CDH8: variants seen among roughly 807,000 people sequenced by gnomAD.
CDH8 encodes cadherin-8.
In CDH8, 17 loss-of-function variants were observed where a neutral mutation model predicts 68.1. That is an observed-to-expected ratio of 0.25 (90% confidence interval 0.17 to 0.37). The LOEUF (loss-of-function observed/expected upper bound fraction) is 0.37, where lower values mean the gene tolerates loss of function less well. Among genes scored for constraint, CDH8 ranks in the 10% least tolerant of loss-of-function variants. CDH8 has a pLI of 1.00. For synonymous variants in CDH8, 372 were observed against 365.1 expected, an observed-to-expected ratio of 1.02 and a Z score of -0.21; for missense variants, 763 against 999.3, an observed-to-expected ratio of 0.76 and a Z score of 3.19.
intron 8 of CDH8, chr16:61,743,570 A>C (rs570855260): frequency 5.3e-5 from 8 of 152,216 alleles, no homozygotes; most frequent in African/African-American, 1.7e-4. Context: ...TTCCCTTGCA[A>C]GGTTTTATCA....
intron 10 of CDH8, among the ~76,000 whole-genome samples, chr16:61,704,398 G>T (rs1596882636): frequency 6.6e-6 from 1 of 152,152 alleles, no homozygotes; most frequent in Non-Finnish European, 1.5e-5. Flanking sequence ...AGTTTCTCAA[G>T]AATTCTGCCC....
intron 8 of CDH8, 100 bp downstream of exon 8, chr16:61,789,246 C>T: frequency 1.9e-6 from 2 of 1,062,826 alleles, no homozygotes; most frequent in East Asian, 2.6e-5. Flanking sequence ...GTTCCAATGT[C>T]AAGGTACCTA....
At chr16:61,818,709 A>G (rs1350752889) in intron 6 of CDH8, among the ~76,000 whole-genome samples, 2 of 152,166 alleles carry the variant, frequency 1.3e-5, no homozygotes, top group Non-Finnish European at 2.9e-5. Context: ...GATTTCAAGA[A>G]TGCAAGTCTG....
At chr16:61,654,270 T>C (rs1429344701) in intron 11 of CDH8, among the ~76,000 whole-genome samples, 169 bp from the exon 12 acceptor site, 1 of 152,156 alleles carries the variant, frequency 6.6e-6, no homozygotes, top group Non-Finnish European at 1.5e-5. Context: ...GGATGAACAT[T>C]AAATTTTGAG....
chr16:62,018,095 T>A (rs192308780), intron 2 of CDH8, among the ~76,000 whole-genome samples: 41 of 152,346 alleles, frequency 2.7e-4, no homozygotes, highest in African/African-American at 9.1e-4. Flanking sequence ...CTTATTTATC[T>A]TATTTGCATA....
intron 9 of CDH8, among the ~76,000 whole-genome samples, chr16:61,719,952 G>A (rs1056496178): frequency 6.6e-6 from 1 of 150,420 alleles, no homozygotes; most frequent in African/African-American, 2.4e-5. Context: ...AGAAGATCAT[G>A]TTTAATTTTG....
chr16:62,022,268 T>C (rs948542059), intron 1 of CDH8, among the ~76,000 whole-genome samples: 4 of 152,090 alleles, frequency 2.6e-5, no homozygotes, highest in African/African-American at 7.2e-5. Flanking sequence ...AGGATGCTAA[T>C]AATGAGTGAA....
chr16:61,768,439 T>TCTCTCC lies in CDH8; in HGVS notation c.1414+20906_1414+20907insGGAGAG, dbSNP rs1567461493. Among the ~76,000 whole-genome samples, 16 of 143,044 alleles carry TCTCTCC rather than the reference T, an allele frequency of 1.1e-4. 1 individual carries two copies. The highest frequency in any genetic ancestry group is 4.3e-4 in the African/African-American group (16 of 37,524). The allele number at this position is 143,044 out of a possible 152,430, so 93.8% of individuals were successfully genotyped here. A position where few individuals can be genotyped will look rare whatever the true frequency, so the allele number is the denominator to read the frequency against. ...CTCTCTCTCTCTCTCCCTCTCCCTC[T>TCTCTCC]CTCTCTCGCAGTGCCTGGATGAATT... On this transcript the variant is annotated intron_variant, in intron 8 of 11. Transcript: ENST00000577390.
chr16:61,998,794 G>A (rs577518257), intron 2 of CDH8, among the ~76,000 whole-genome samples: 14 of 152,164 alleles, frequency 9.2e-5, no homozygotes, highest in Admixed American at 7.9e-4. Flanking sequence ...CTTGATCTTC[G>A]AAATAAAACT....
chr16:61,993,925 A>G lies in CDH8; in HGVS notation c.252+27227T>C, dbSNP rs539925616. Among the ~76,000 whole-genome samples, 13 of 152,338 alleles carry G rather than the reference A, an allele frequency of 8.5e-5. 1 individual carries two copies. The South Asian group carries it at 2.1e-3, about 24-fold the overall frequency. ...CTGCATAGTATTTTAAATAATAGAT[A>G]TATCAAAATTTATTTAAGCAATCTT... is the stretch of plus-strand genomic sequence containing the variant. On this transcript the variant is annotated intron_variant, in intron 2 of 11. Coordinates refer to ENST00000577390, the MANE Select transcript of CDH8 (RefSeq NM_001796.5).
At position 61,650,950 on chromosome 16, in the gene CDH8, C is replaced by G. The variant is rs1364204746; in HGVS notation, c.*2658G>C. On this transcript the variant is annotated 3_prime_UTR_variant, in exon 12 of 12. Transcript: ENST00000577390. ...TCTGTGTTCCTAGGCAAAGAGAATA[C>G]TTAGGCGATATTTGGGCAACTAGTA... is the stretch of plus-strand genomic sequence containing the variant. 1 of 152,030 alleles carries G rather than the reference C, an allele frequency of 6.6e-6. No homozygotes were observed. The highest frequency in any genetic ancestry group is 2.4e-5 in the African/African-American group (1 of 41,402). 9.4% of individuals were successfully genotyped at this position (152,030 alleles called of 1,614,324 possible).
At chr16:61,929,413 T>C (rs947558388) in intron 2 of CDH8, among the ~76,000 whole-genome samples, 3 of 152,192 alleles carry the variant, frequency 2.0e-5, no homozygotes, top group African/African-American at 7.2e-5. Flanking sequence ...AGGTTTGGGC[T>C]AGGTGTTTTC....
intron 7 of CDH8, among the ~76,000 whole-genome samples, chr16:61,814,869 T>C (rs1415004860): frequency 6.6e-6 from 1 of 152,180 alleles, no homozygotes; most frequent in East Asian, 1.9e-4. Context: ...CTCTCCATGA[T>C]CCAACTGGGG....
chr16:61,799,234 A>G (rs1335424302), intron 7 of CDH8, among the ~76,000 whole-genome samples: 1 of 152,168 alleles, frequency 6.6e-6, no homozygotes, highest in African/African-American at 2.4e-5. Flanking sequence ...TGCCTGTCAT[A>G]CTTCTCTCCA....
At chr16:61,728,387 C>T (rs1959437639) in intron 8 of CDH8, among the ~76,000 whole-genome samples, 1 of 150,960 alleles carries the variant, frequency 6.6e-6, no homozygotes, top group Non-Finnish European at 1.5e-5. Flanking sequence ...GCCATGACTA[C>T]TCTCCAATAT....
In CDH8 at chr16:61,789,382, C is replaced by A; in HGVS notation, c.1378G>T (p.Val460Leu). 4 of 1,612,860 alleles carry A rather than the reference C, an allele frequency of 2.5e-6. No individual in the cohort carries two copies. Among genetic ancestry groups the A allele is most frequent in the Non-Finnish European group, 3.4e-6 (4 of 1,179,220 alleles). Residue 460 changes from valine (V) to leucine (L), a missense_variant, in exon 8 of 12, where the codon GTA becomes TTA. By Grantham distance (32) the Val-to-Leu change is conservative. Coordinates refer to ENST00000577390, the MANE Select transcript of CDH8 (RefSeq NM_001796.5). ...GCAATGATTGTTATGTTGTGCCATA[C>A]ACTTAATTCTCTGTCAAGTGGTGTT... is the stretch of plus-strand genomic sequence containing the variant. ...LATPLDRELS[V>L]WHNITIIATE...
At chr16:61,747,964 G>C (rs886728165) in intron 8 of CDH8, among the ~76,000 whole-genome samples, 1 of 152,036 alleles carries the variant, frequency 6.6e-6, no homozygotes, top group East Asian at 1.9e-4. Flanking sequence ...ATTGTCACAC[G>C]CCTCTTAGAA....
intron 2 of CDH8, among the ~76,000 whole-genome samples, chr16:62,017,755 G>A (rs947716334): frequency 6.6e-6 from 1 of 152,092 alleles, no homozygotes; most frequent in African/African-American, 2.4e-5. Flanking sequence ...TTCTGACCGA[G>A]GGAAGCATCT....
intron 2 of CDH8, among the ~76,000 whole-genome samples, chr16:61,961,910 C>A (rs2150571972): frequency 6.6e-6 from 1 of 152,316 alleles, no homozygotes; most frequent in South Asian, 2.1e-4. Context: ...AATTTACTTA[C>A]AACTTTGACT....
Sources: allele counts gnomAD v4.1 joint callset (sites outside exome capture counted in the v4.1 genomes callset), GRCh38; gene constraint gnomAD v4.1.1; transcripts MANE v1.5; gene names NCBI Gene and HGNC (gene_info 2026-07-23, HGNC 2026-07-21).